Variants in CACNA1D observed in about 807,000 individuals in gnomAD.
CACNA1D encodes voltage-dependent L-type calcium channel subunit alpha-1D.
CACNA1D carries 55 observed loss-of-function variants against 257.1 expected under a neutral mutation model. The ratio of observed to expected loss-of-function variants is 0.21; its 90% CI spans 0.17 to 0.27. CACNA1D has a LOEUF of 0.27. Ranked by LOEUF, CACNA1D falls within the 10% of genes least tolerant of loss-of-function variation. CACNA1D has a pLI of 1.00. For synonymous variants in CACNA1D, 980 were observed against 1,014.9 expected, an observed-to-expected ratio of 0.97 and a Z score of 0.65; for missense variants, 1,876 against 2,784.0, an observed-to-expected ratio of 0.67 and a Z score of 7.34.
At chr3:53,685,387 ATTCC>A (rs34798643) in intron 8 of CACNA1D, among the ~76,000 whole-genome samples, 9,075 of 152,266 alleles carry the variant, frequency 0.06, 315 homozygotes, top group Non-Finnish European at 0.073. Flanking sequence ...AATTTGTATC[ATTCC>A]TTCTCAATAA....
intron 3 of CACNA1D, among the ~76,000 whole-genome samples, chr3:53,629,052 G>T (rs1251786834): frequency 1.3e-5 from 2 of 152,216 alleles, no homozygotes; most frequent in African/African-American, 4.8e-5. Flanking sequence ...TCTAGGCTTT[G>T]TGGGCCGTGT....
intron 3 of CACNA1D, among the ~76,000 whole-genome samples, chr3:53,530,052 G>T (rs960976403): frequency 6.6e-6 from 1 of 152,114 alleles, no homozygotes; most frequent in Non-Finnish European, 1.5e-5. Context: ...TGTATTGGTG[G>T]CATTGTTGGT....
intron 8 of CACNA1D, among the ~76,000 whole-genome samples, chr3:53,701,323 G>A (rs1306286736): frequency 6.6e-6 from 1 of 152,096 alleles, no homozygotes; most frequent in African/African-American, 2.4e-5. Context: ...TAGTAGAGAT[G>A]GGGTTTCACC....
intron 8 of CACNA1D, among the ~76,000 whole-genome samples, chr3:53,698,266 G>A (rs1409503034): frequency 2.0e-5 from 3 of 152,130 alleles, no homozygotes; most frequent in Non-Finnish European, 4.4e-5. Context: ...CTTCCACAGC[G>A]AGAACTCTGG....
At chr3:53,798,334 TGTGC>T (rs879463118) in intron 40 of CACNA1D, among the ~76,000 whole-genome samples, 1,761 of 150,736 alleles carry the variant, frequency 0.012, 34 homozygotes, top group Admixed American at 0.045. Flanking sequence ...TGTGCGTGTG[TGTGC>T]GTGTGTGTGT....
chr3:53,747,149 G>A (rs1196982033), intron 25 of CACNA1D, among the ~76,000 whole-genome samples, 153 bp from the exon 26 acceptor site: 2 of 152,238 alleles, frequency 1.3e-5, no homozygotes, highest in Admixed American at 1.3e-4. Context: ...GAGGAGAGGA[G>A]AAACGGCGCC....
chr3:53,532,473 G>C (rs531605382), intron 3 of CACNA1D, among the ~76,000 whole-genome samples: 1 of 152,192 alleles, frequency 6.6e-6, no homozygotes, highest in Non-Finnish European at 1.5e-5. Flanking sequence ...CTGGAGGTGC[G>C]TGAGCAAAAT....
intron 9 of CACNA1D, among the ~76,000 whole-genome samples, chr3:53,715,346 T>C (rs1232771619): frequency 1.3e-5 from 2 of 152,164 alleles, no homozygotes; most frequent in Non-Finnish European, 2.9e-5. Context: ...GAGAAGTTGC[T>C]ATGCCTACAG....
intron 5 of CACNA1D, among the ~76,000 whole-genome samples, chr3:53,662,734 C>A (rs576312684): frequency 3.3e-5 from 5 of 152,048 alleles, no homozygotes; most frequent in African/African-American, 1.2e-4. Flanking sequence ...TACAAAGGAG[C>A]GGAATGCAAT....
chr3:53,603,323 A>G (rs1330361948), intron 3 of CACNA1D, among the ~76,000 whole-genome samples: 1 of 152,222 alleles, frequency 6.6e-6, no homozygotes, highest in Non-Finnish European at 1.5e-5. Context: ...CTTTGAAGCC[A>G]GACTGCTGGG....
Position 53,804,965 on chromosome 3 carries a change from C to T in CACNA1D, c.5586-18C>T, listed in dbSNP as rs758156444. ...GCTTGTTACCTAGAACCTTACTGCC[C>T]TCCTCTCTGACCTCCAGGCAAAACT... On this transcript the variant is annotated intron_variant, in intron 44 of 47. Transcript: ENST00000350061. 1 of 1,613,204 alleles carries T rather than the reference C, an allele frequency of 6.2e-7. No individual in the cohort carries two copies. Among genetic ancestry groups the T allele is most frequent in the South Asian group, 1.1e-5 (1 of 91,058 alleles).
At chr3:53,757,927 C>T (rs373078686) in intron 29 of CACNA1D, among the ~76,000 whole-genome samples, 5 of 152,330 alleles carry the variant, frequency 3.3e-5, no homozygotes, top group African/African-American at 9.6e-5. Flanking sequence ...CAACACTACT[C>T]CATGTCTGCC....
chr3:53,694,883 G>C (rs1268115413), intron 8 of CACNA1D, among the ~76,000 whole-genome samples: 4 of 152,196 alleles, frequency 2.6e-5, no homozygotes, highest in African/African-American at 9.7e-5. Flanking sequence ...TGCAGTCACA[G>C]TGGGGTGGGC....
intron 3 of CACNA1D, among the ~76,000 whole-genome samples, chr3:53,514,088 T>A (rs543674724): frequency 6.6e-6 from 1 of 152,236 alleles, no homozygotes; most frequent in Non-Finnish European, 1.5e-5. Flanking sequence ...TCCCATTTAA[T>A]CTTTACCATA....
intron 21 of CACNA1D, 164 bp downstream of exon 21, chr3:53,740,503 T>G: frequency 1.5e-6 from 1 of 671,184 alleles, no homozygotes; most frequent in Non-Finnish European, 2.7e-6. Context: ...GGCAGTGTGT[T>G]TAAGGGCTGC....
At chr3:53,794,699 A>G (rs2095499869) in intron 40 of CACNA1D, among the ~76,000 whole-genome samples, 1 of 152,224 alleles carries the variant, frequency 6.6e-6, no homozygotes, top group Non-Finnish European at 1.5e-5. Context: ...AGTTTTTAAA[A>G]CAAGAACATG....
chr3:53,501,950 A>G (rs2090621908), intron 3 of CACNA1D, among the ~76,000 whole-genome samples: 1 of 152,142 alleles, frequency 6.6e-6, no homozygotes, highest in African/African-American at 2.4e-5. Flanking sequence ...ATAGATATGG[A>G]ATTTTTATGG....
rs55873110 is a variant in CACNA1D at position 53,650,976 on chromosome 3, G to A, written c.623+58G>A. ...TTGGAAAATGGGAGGTGGAGGTTGG[G>A]GGGGGTGGTGGTAACAAAACAGTCT... On this transcript the variant is annotated intron_variant, in intron 4 of 47. Transcript: ENST00000350061. 0.03 allele frequency: 42,998 copies of A among 1,440,928 alleles called. 854 individuals are homozygous for A. Among genetic ancestry groups the A allele is most frequent in the Non-Finnish European group, 0.034 (34,566 of 1,025,720 alleles). The allele number at this position is 1,440,928 out of a possible 1,614,324, so 89.3% of individuals were successfully genotyped here.
chr3:53,771,405 C>A (rs1354498425), intron 32 of CACNA1D, among the ~76,000 whole-genome samples: 1 of 152,230 alleles, frequency 6.6e-6, no homozygotes, highest in Non-Finnish European at 1.5e-5. Context: ...GGCCCTCACC[C>A]ACCCCTGGGG....
Sources: allele counts gnomAD v4.1 joint callset (sites outside exome capture counted in the v4.1 genomes callset), GRCh38; gene constraint gnomAD v4.1.1; transcripts MANE v1.5; gene names NCBI Gene and HGNC (gene_info 2026-07-23, HGNC 2026-07-21).